Variants in SHLD1 observed in about 807,000 individuals in gnomAD.
The protein encoded by SHLD1 is shieldin complex subunit 1.
SHLD1 carries 3 observed loss-of-function variants against 5.5 expected under a neutral mutation model. That is an observed-to-expected ratio of 0.54 (90% CI 0.25 to 1.40). The LOEUF (loss-of-function observed/expected upper bound fraction) is 1.40. SHLD1 is among the 40% of genes most tolerant of loss of function. SHLD1 has a pLI of 0.15. For synonymous variants in SHLD1, 92 were observed against 94.3 expected (o/e 0.98, Z 0.14); for missense variants, 210 against 244.4 (o/e 0.86, Z 0.94).
chr20:5,851,693 T>G (rs574266639), intron 2 of SHLD1, among the ~76,000 whole-genome samples: 30 of 152,174 alleles, frequency 2.0e-4, no homozygotes, highest in African/African-American at 7.0e-4. Context: ...TATTTTCATT[T>G]TAACATGTAA....
At chr20:5,825,378 G>A (rs2087654191) in intron 2 of SHLD1, among the ~76,000 whole-genome samples, 1 of 152,204 alleles carries the variant, frequency 6.6e-6, no homozygotes, top group Non-Finnish European at 1.5e-5. Flanking sequence ...GGTTAATGGA[G>A]TCCTCGTTAC....
At chr20:5,850,112 C>CAATAACAAT (rs1555777741) in intron 2 of SHLD1, among the ~76,000 whole-genome samples, 36 of 130,246 alleles carry the variant, frequency 2.8e-4, no homozygotes, top group Non-Finnish European at 4.0e-4. Context: ...GACCCCGTCT[C>CAATAACAAT]AATAATAATA....
chr20:5,770,031 T>G (rs1166504322), intron 1 of SHLD1, among the ~76,000 whole-genome samples: 2 of 141,024 alleles, frequency 1.4e-5, no homozygotes, highest in Admixed American at 1.4e-4. Context: ...AAAAAAGGAA[T>G]TACCTATGTG....
intron 2 of SHLD1, among the ~76,000 whole-genome samples, chr20:5,810,265 A>G (rs1190290033): frequency 6.6e-6 from 1 of 151,890 alleles, no homozygotes; most frequent in Non-Finnish European, 1.5e-5. Flanking sequence ...TCGGAAAAAA[A>G]AAAAAATTGT....
At chr20:5,848,325 A>T (rs946887724) in intron 2 of SHLD1, among the ~76,000 whole-genome samples, 1 of 152,214 alleles carries the variant, frequency 6.6e-6, no homozygotes, top group Non-Finnish European at 1.5e-5. Flanking sequence ...AGATCACTTG[A>T]GGCCAGGAGT....
intron 2 of SHLD1, among the ~76,000 whole-genome samples, chr20:5,815,268 A>T (rs575364630): frequency 6.6e-6 from 1 of 152,304 alleles, no homozygotes; most frequent in African/African-American, 2.4e-5. Flanking sequence ...TTTAATTGGT[A>T]TATAGGGCAG....
chr20:5,857,809 T>TA (rs749021082), intron 2 of SHLD1, among the ~76,000 whole-genome samples: 3,077 of 146,608 alleles, frequency 0.021, 53 homozygotes, highest in Middle Eastern at 0.045. Context: ...AAACCCTGTC[T>TA]AAAAAAAAAA....
chr20:5,816,152 G>T (rs1257131972), intron 2 of SHLD1, among the ~76,000 whole-genome samples: 3 of 150,224 alleles, frequency 2.0e-5, no homozygotes, highest in African/African-American at 7.3e-5. Flanking sequence ...CACAGCCCAT[G>T]AATTGTTGGT....
intron 2 of SHLD1, among the ~76,000 whole-genome samples, chr20:5,789,576 TAAAAA>T (rs58405557): frequency 1.4e-4 from 16 of 113,340 alleles, no homozygotes; most frequent in Non-Finnish European, 2.0e-4. Flanking sequence ...AAACTTGATC[TAAAAA>T]AAAAAAAAAA....
chr20:5,779,251 T>C (rs1324819211), intron 2 of SHLD1, among the ~76,000 whole-genome samples: 1 of 151,618 alleles, frequency 6.6e-6, no homozygotes, highest in Non-Finnish European at 1.5e-5. Context: ...GTAATCTTGC[T>C]GTTACCAAGC....
At chr20:5,859,964 C>T (rs1237013985) in intron 2 of SHLD1, among the ~76,000 whole-genome samples, 1 of 152,232 alleles carries the variant, frequency 6.6e-6, no homozygotes, top group Non-Finnish European at 1.5e-5. Context: ...TGACAATTTA[C>T]TTACCAAGTA....
At chr20:5,848,556 A>G (rs2087960414) in intron 2 of SHLD1, among the ~76,000 whole-genome samples, 1 of 152,250 alleles carries the variant, frequency 6.6e-6, no homozygotes, top group Non-Finnish European at 1.5e-5. Context: ...ATCTGTGAAG[A>G]AACAGTCAGC....
At chr20:5,791,753 G>A (rs1198995030) in intron 2 of SHLD1, among the ~76,000 whole-genome samples, 1 of 151,774 alleles carries the variant, frequency 6.6e-6, no homozygotes, top group Non-Finnish European at 1.5e-5. Flanking sequence ...CAAAGAACTA[G>A]TTTCTACAAT....
At chr20:5,790,709 C>T (rs1238640138) in intron 2 of SHLD1, among the ~76,000 whole-genome samples, 3 of 152,048 alleles carry the variant, frequency 2.0e-5, no homozygotes, top group African/African-American at 7.2e-5. Flanking sequence ...CCACCTTGGC[C>T]TCCCAAAGTG....
rs968607710 is a variant in SHLD1, at chr20:5,750,454, G to C, written c.-30G>C. On this transcript the variant is annotated 5_prime_UTR_variant, in exon 1 of 3. Coordinates refer to ENST00000303142, the MANE Select transcript of SHLD1 (RefSeq NM_152504.4). The stretch of plus-strand genomic sequence containing the variant: ...GGGGGCTTGGCGGCTTTTCTCCTCA[G>C]TTTTCTGGAGTGCTTTGGAGGAGAG... The C allele has an allele frequency of 4.5e-5, 6 of 134,448 alleles. No homozygotes were observed. Among genetic ancestry groups the C allele is most frequent in the Non-Finnish European group, 7.7e-5 (5 of 65,010 alleles). 8.3% of individuals were successfully genotyped at this position (134,448 alleles called of 1,614,324 possible). A position where few individuals can be genotyped will look rare whatever the true frequency, so the allele number is the denominator to read the frequency against.
intron 2 of SHLD1, among the ~76,000 whole-genome samples, chr20:5,816,230 T>C (rs1176573221): frequency 5.3e-5 from 8 of 152,218 alleles, no homozygotes; most frequent in Admixed American, 5.2e-4. Flanking sequence ...AAAATTATTT[T>C]GTGATTTTAT....
chr20:5,794,296 A>G (rs185638323), intron 2 of SHLD1, among the ~76,000 whole-genome samples: 325 of 152,294 alleles, frequency 2.1e-3, no homozygotes, highest in Non-Finnish European at 3.3e-3. Context: ...GCTAGCTGTC[A>G]TTACCACCAC....
intron 1 of SHLD1, among the ~76,000 whole-genome samples, chr20:5,762,146 G>A (rs1341307685): frequency 6.6e-6 from 1 of 151,614 alleles, no homozygotes; most frequent in African/African-American, 2.4e-5. Context: ...CAGCTACTCG[G>A]GAGGCTGAGG....
intron 2 of SHLD1, among the ~76,000 whole-genome samples, chr20:5,847,056 C>T (rs772301188): frequency 2.6e-5 from 4 of 151,926 alleles, no homozygotes; most frequent in Non-Finnish European, 2.9e-5. Flanking sequence ...GTTCTAATGA[C>T]GTCAAATGAT....
Sources: allele counts gnomAD v4.1 joint callset (sites outside exome capture counted in the v4.1 genomes callset), GRCh38; gene constraint gnomAD v4.1.1; transcripts MANE v1.5; gene names NCBI Gene and HGNC (gene_info 2026-07-23, HGNC 2026-07-21).